Variants in MEIS2 observed in about 807,000 individuals in gnomAD.
The protein encoded by MEIS2 is homeobox protein Meis2.
MEIS2 carries 9 observed loss-of-function variants against 58.6 expected under a neutral mutation model. The ratio of observed to expected loss-of-function variants is 0.15; its 90% CI spans 0.09 to 0.27. MEIS2 has a LOEUF of 0.27. MEIS2 is among the 10% of genes least tolerant of loss of function. The pLI, the probability that MEIS2 is intolerant of heterozygous loss-of-function variation, is 1.00. For missense variants in MEIS2, 427 were observed against 635.0 expected (o/e 0.67, Z 3.52); for synonymous variants, 221 against 228.4 (o/e 0.97, Z 0.29).
chr15:37,055,400 T>C lies in MEIS2; in HGVS notation c.755-18441A>G, dbSNP rs2063098689. Among the ~76,000 whole-genome samples, 3 of 152,112 alleles carry C rather than the reference T, an allele frequency of 2.0e-5. No individual in the cohort carries two copies. In the South Asian group the frequency reaches 6.2e-4, roughly 32 times the overall value. On this transcript the variant is annotated intron_variant, in intron 7 of 11. Coordinates refer to ENST00000561208, the MANE Select transcript of MEIS2 (RefSeq NM_170675.5). ...TTGTTAGAAATAAAATAAATATAAT[T>C]CTTCCCTGTGTGTGTGTGTTTTTCC...
intron 9 of MEIS2, among the ~76,000 whole-genome samples, chr15:36,915,772 T>C (rs1303588166): frequency 6.6e-6 from 1 of 152,232 alleles, no homozygotes; most frequent in Non-Finnish European, 1.5e-5. Context: ...CTTGACTAAA[T>C]AGGGCTCATT....
At chr15:37,043,565 G>A (rs1595996003) in intron 7 of MEIS2, among the ~76,000 whole-genome samples, 1 of 151,802 alleles carries the variant, frequency 6.6e-6, no homozygotes, top group South Asian at 2.1e-4. Context: ...ATTTGTAGAT[G>A]AACTTAATGT....
chr15:36,976,330 C>T (rs1257103093), intron 8 of MEIS2, among the ~76,000 whole-genome samples: 3 of 151,800 alleles, frequency 2.0e-5, no homozygotes, highest in Non-Finnish European at 2.9e-5. Context: ...GTGATTCACC[C>T]GCCTTGGCCT....
chr15:36,905,144 C>T (rs1314057225), intron 9 of MEIS2, among the ~76,000 whole-genome samples: 2 of 151,942 alleles, frequency 1.3e-5, no homozygotes, highest in Non-Finnish European at 2.9e-5. Flanking sequence ...TGTGCTGCTG[C>T]TGAAGTAGGG....
chr15:36,912,295 A>G (rs944112253), intron 9 of MEIS2, among the ~76,000 whole-genome samples: 1 of 152,222 alleles, frequency 6.6e-6, no homozygotes, highest in Non-Finnish European at 1.5e-5. Flanking sequence ...ATAAGTTACA[A>G]AATTATTTTC....
rs149422535 is a variant in MEIS2, at chr15:36,961,108, T to A, written c.901-10708A>T. ...CAAGGTACTGCCACAACATTGTCTA[T>A]CTTTGGGCCCCATTACTATTTTACC... On this transcript the variant is annotated intron_variant, in intron 8 of 11. Coordinates refer to ENST00000561208, the MANE Select transcript of MEIS2 (RefSeq NM_170675.5). Among the ~76,000 whole-genome samples, 544 of 152,222 alleles carry A rather than the reference T, an allele frequency of 3.6e-3. 2 individuals carry two copies. The highest frequency in any genetic ancestry group is 0.012 in the African/African-American group (511 of 41,552).
intron 9 of MEIS2, among the ~76,000 whole-genome samples, chr15:36,944,274 C>G (rs769826398): frequency 2.0e-5 from 3 of 152,064 alleles, no homozygotes; most frequent in Non-Finnish European, 4.4e-5. Context: ...TTTCTTTTAA[C>G]ATCTTTTAAT....
intron 8 of MEIS2, among the ~76,000 whole-genome samples, chr15:36,989,906 G>T (rs2060212804): frequency 6.6e-6 from 1 of 152,070 alleles, no homozygotes; most frequent in Non-Finnish European, 1.5e-5. Flanking sequence ...TTGAAGTGGG[G>T]GCATTGTATC....
At chr15:37,017,158 A>G (rs1442759212) in intron 8 of MEIS2, among the ~76,000 whole-genome samples, 1 of 152,236 alleles carries the variant, frequency 6.6e-6, no homozygotes. Flanking sequence ...AAACCGATAG[A>G]AAATAATAAA....
intron 1 of MEIS2, chr15:37,099,251 C>G: frequency 6.9e-7 from 1 of 1,439,588 alleles, no homozygotes; most frequent in Non-Finnish European, 9.1e-7. Context: ...CAGACACGCA[C>G]ACACGCACGC....
intron 8 of MEIS2, among the ~76,000 whole-genome samples, chr15:36,987,189 C>G (rs767050648): frequency 6.6e-6 from 1 of 152,048 alleles, no homozygotes; most frequent in Non-Finnish European, 1.5e-5. Flanking sequence ...GGGTGGATCA[C>G]TCAAATCCAG....
In MEIS2 at chr15:36,906,248, G is replaced by A. The variant is rs533589172; in HGVS notation, c.978-9562C>T. Among the ~76,000 whole-genome samples, 15 of 152,260 alleles carry A rather than the reference G, an allele frequency of 9.9e-5. No individual in the cohort carries two copies. In the East Asian group the frequency reaches 1.7e-3, roughly 18 times the overall value. On this transcript the variant is annotated intron_variant, in intron 9 of 11. Transcript: ENST00000561208. ...AAATGGTAGAATGATAAAATATGGT[G>A]TTTGAGGAAGATCTTTCCAAGAGCT...
intron 9 of MEIS2, among the ~76,000 whole-genome samples, chr15:36,908,234 C>T (rs1049941504): frequency 1.7e-4 from 26 of 152,274 alleles, no homozygotes; most frequent in Admixed American, 6.5e-4. Flanking sequence ...AGATGTTATA[C>T]GCAGTCTTTC....
At chr15:36,992,012 C>T (rs1169233867) in intron 8 of MEIS2, among the ~76,000 whole-genome samples, 4 of 151,182 alleles carry the variant, frequency 2.6e-5, no homozygotes, top group African/African-American at 7.3e-5. Flanking sequence ...TGGTCTCGAT[C>T]TCCTGACCTC....
chr15:37,094,826 T>C (rs1430447972), intron 4 of MEIS2, among the ~76,000 whole-genome samples: 1 of 151,822 alleles, frequency 6.6e-6, no homozygotes, highest in Non-Finnish European at 1.5e-5. Context: ...TCTTTCCCCC[T>C]GATGTTCACT....
intron 9 of MEIS2, among the ~76,000 whole-genome samples, chr15:36,934,449 G>A (rs2058091205): frequency 6.6e-6 from 1 of 152,150 alleles, no homozygotes; most frequent in Non-Finnish European, 1.5e-5. Flanking sequence ...ACGTGCACAA[G>A]GCAATTCATC....
At chr15:36,940,894 G>A (rs1409809269) in intron 9 of MEIS2, among the ~76,000 whole-genome samples, 1 of 152,012 alleles carries the variant, frequency 6.6e-6, no homozygotes, top group Non-Finnish European at 1.5e-5. Context: ...TGTTCCCTTT[G>A]GTGCTAATTA....
At position 36,954,304 on chromosome 15, in the gene MEIS2, CA is replaced by C. The variant is rs1022423021; in HGVS notation, c.901-3905del. On this transcript the variant is annotated intron_variant, in intron 8 of 11. Coordinates refer to ENST00000561208, the MANE Select transcript of MEIS2 (RefSeq NM_170675.5). Reference sequence around the variant, plus strand: ...TATACACATATCTATGCTTGTAGCGCAAAAAAAATCTGGAAAAATATACACT... The same window carrying C: ...TATACACATATCTATGCTTGTAGCGCAAAAAAATCTGGAAAAATATACACT... Among the ~76,000 whole-genome samples, 17 of 150,468 alleles carry C rather than the reference CA, an allele frequency of 1.1e-4. 1 individual carries two copies. Among genetic ancestry groups the C allele is most frequent in the South Asian group, 6.3e-4 (3 of 4,784 alleles).
chr15:36,963,728 G>A (rs964947440), intron 8 of MEIS2, among the ~76,000 whole-genome samples: 1 of 152,168 alleles, frequency 6.6e-6, no homozygotes. Context: ...ATGGATAGCT[G>A]CCTCATCCCA....
Sources: allele counts gnomAD v4.1 joint callset (sites outside exome capture counted in the v4.1 genomes callset), GRCh38; gene constraint gnomAD v4.1.1; transcripts MANE v1.5; gene names NCBI Gene and HGNC (gene_info 2026-07-23, HGNC 2026-07-21).